The following RBMS3 variants were observed in gnomAD, a reference collection of about 807,000 sequenced individuals.
RBMS3 encodes RNA binding motif single stranded interacting protein 3.
A neutral mutation model predicts 66.8 loss-of-function variants in RBMS3; 27 were observed. The observed-to-expected ratio is 0.40, with a 90% CI of 0.30 to 0.56. The LOEUF is 0.56. Ranked by LOEUF, RBMS3 falls within the 20% of genes least tolerant of loss-of-function variation. The probability of loss-of-function intolerance (pLI) is 0.40; values close to 1 mark genes in which losing one functional copy is unlikely to be tolerated. For missense variants in RBMS3, 513 were observed against 549.5 expected, an observed-to-expected ratio of 0.93 and a Z score of 0.66; for synonymous variants, 188 against 183.0, an observed-to-expected ratio of 1.03 and a Z score of -0.22.
chr3:29,510,054 GA>G (rs1185038011), intron 3 of RBMS3, among the ~76,000 whole-genome samples: 2 of 152,214 alleles, frequency 1.3e-5, no homozygotes, highest in African/African-American at 4.8e-5. Context: ...ATTTATCACA[GA>G]GATGGAATAA....
intron 1 of RBMS3, among the ~76,000 whole-genome samples, chr3:29,344,319 A>C (rs6779814): frequency 0.14 from 20,834 of 152,228 alleles, 1,513 homozygotes; most frequent in East Asian, 0.22. Context: ...GAACACTGTC[A>C]CAGTACCATG....
rs761958647 is a variant in RBMS3, at chr3:30,007,930, T to G, written c.*4068T>G. On this transcript the variant is annotated 3_prime_UTR_variant, in exon 15 of 15. Coordinates refer to ENST00000383767, the MANE Select transcript of RBMS3 (RefSeq NM_001003793.3). ...TGCATGGTGTTAAAAGCACTCTCAT[T>G]AGAAATATAAGGCTGAGAACTGAAG... 3 of 152,052 alleles carry G rather than the reference T, an allele frequency of 2.0e-5. No individual in the cohort carries two copies. The highest frequency in any genetic ancestry group is 4.4e-5 in the Non-Finnish European group (3 of 67,954). The allele number at this position is 152,052 out of a possible 1,614,324, so 9.4% of individuals were successfully genotyped here.
intron 4 of RBMS3, among the ~76,000 whole-genome samples, chr3:29,725,644 C>G (rs1348914833): frequency 6.6e-6 from 1 of 152,042 alleles, no homozygotes; most frequent in African/African-American, 2.4e-5. Flanking sequence ...ATACATCATC[C>G]CAAGACTAAA....
At chr3:29,980,254 A>G (rs1383744837) in intron 12 of RBMS3, among the ~76,000 whole-genome samples, 1 of 152,134 alleles carries the variant, frequency 6.6e-6, no homozygotes, top group Non-Finnish European at 1.5e-5. Context: ...GTGTCTGTTC[A>G]TATCCTTCAC....
chr3:29,923,113 A>G (rs1166290192), intron 10 of RBMS3, among the ~76,000 whole-genome samples: 1 of 152,204 alleles, frequency 6.6e-6, no homozygotes, highest in Non-Finnish European at 1.5e-5. Context: ...CTCCCTTGTA[A>G]CATACATCAT....
At chr3:29,418,506 A>G (rs772269499) in intron 1 of RBMS3, among the ~76,000 whole-genome samples, 16 of 152,290 alleles carry the variant, frequency 1.1e-4, no homozygotes, top group Admixed American at 2.0e-4. Context: ...GGATGAATAG[A>G]CAGTCAATGT....
intron 6 of RBMS3, among the ~76,000 whole-genome samples, chr3:29,782,745 A>G (rs1334509197): frequency 6.6e-6 from 1 of 152,238 alleles, no homozygotes; most frequent in African/African-American, 2.4e-5. Context: ...AGGAGGCACC[A>G]GAGAAAGGTG....
At chr3:29,720,151 A>G (rs888086988) in intron 4 of RBMS3, among the ~76,000 whole-genome samples, 6 of 152,054 alleles carry the variant, frequency 3.9e-5, no homozygotes, top group Non-Finnish European at 5.9e-5. Context: ...TTATTTACCC[A>G]GGATGCAGGA....
intron 6 of RBMS3, among the ~76,000 whole-genome samples, chr3:29,799,616 C>A (rs2057325286): frequency 6.6e-6 from 1 of 152,106 alleles, no homozygotes; most frequent in African/African-American, 2.4e-5. Flanking sequence ...CTAAGCATGA[C>A]CCCCCTCAGA....
intron 4 of RBMS3, among the ~76,000 whole-genome samples, chr3:29,600,927 A>T (rs955117264): frequency 1.3e-5 from 2 of 152,086 alleles, no homozygotes; most frequent in African/African-American, 2.4e-5. Flanking sequence ...TATCATAATA[A>T]AAAAGATAAT....
intron 4 of RBMS3, among the ~76,000 whole-genome samples, chr3:29,626,211 T>C (rs1361291747): frequency 6.6e-6 from 1 of 152,150 alleles, no homozygotes; most frequent in Non-Finnish European, 1.5e-5. Context: ...CTAGGACAAG[T>C]CACTTAAACT....
chr3:29,442,457 C>A (rs1466875382), intron 2 of RBMS3, among the ~76,000 whole-genome samples: 1 of 151,912 alleles, frequency 6.6e-6, no homozygotes, highest in African/African-American at 2.4e-5. Flanking sequence ...ATCTTTGGAA[C>A]AGAGAAGAGA....
At chr3:29,317,418 A>G (rs1337392760) in intron 1 of RBMS3, among the ~76,000 whole-genome samples, 5 of 151,728 alleles carry the variant, frequency 3.3e-5, no homozygotes, top group African/African-American at 9.7e-5. Flanking sequence ...TAAAAGCTTT[A>G]AATAATCTGT....
chr3:29,355,150 T>G (rs922067758), intron 1 of RBMS3, among the ~76,000 whole-genome samples: 1 of 152,120 alleles, frequency 6.6e-6, no homozygotes. Context: ...CCTGCCAGAC[T>G]GCATGTTCTA....
intron 6 of RBMS3, among the ~76,000 whole-genome samples, chr3:29,811,273 G>T (rs972641700): frequency 2.6e-5 from 4 of 152,024 alleles, no homozygotes; most frequent in African/African-American, 9.7e-5. Context: ...TCCATGACCT[G>T]CAAGAGTCAT....
chr3:29,368,108 A>G (rs916309083), intron 1 of RBMS3, among the ~76,000 whole-genome samples: 8 of 152,192 alleles, frequency 5.3e-5, no homozygotes, highest in African/African-American at 9.6e-5. Flanking sequence ...GTCTTTGTAT[A>G]TAGATATGGG....
chr3:29,430,356 A>C (rs1435503970), intron 1 of RBMS3, among the ~76,000 whole-genome samples: 1 of 152,000 alleles, frequency 6.6e-6, no homozygotes, highest in Non-Finnish European at 1.5e-5. Context: ...GACAAAGAAA[A>C]CCGCCTTTTT....
At chr3:29,964,975 A>G (rs748919154) in intron 12 of RBMS3, among the ~76,000 whole-genome samples, 2 of 152,068 alleles carry the variant, frequency 1.3e-5, no homozygotes, top group Admixed American at 6.6e-5. Context: ...AACATGTTTG[A>G]TTTTCCATTC....
intron 1 of RBMS3, among the ~76,000 whole-genome samples, chr3:29,366,748 G>A (rs2037931591): frequency 6.6e-6 from 1 of 152,100 alleles, no homozygotes; most frequent in South Asian, 2.1e-4. Context: ...AGCCCGAATA[G>A]CAAATCAACT....
Sources: allele counts gnomAD v4.1 joint callset (sites outside exome capture counted in the v4.1 genomes callset), GRCh38; gene constraint gnomAD v4.1.1; transcripts MANE v1.5; gene names NCBI Gene and HGNC (gene_info 2026-07-23, HGNC 2026-07-21).